Variants in NAALADL2 observed in about 807,000 individuals in gnomAD.
The protein encoded by NAALADL2 is N-acetylated alpha-linked acidic dipeptidase like 2, also known as inactive N-acetylated-alpha-linked acidic dipeptidase-like protein 2.
In NAALADL2, 76 loss-of-function variants were observed where a neutral mutation model predicts 87.2. The observed-to-expected ratio is 0.87, with a 90% CI of 0.72 to 1.05. The LOEUF is 1.05. Among genes scored for constraint, NAALADL2 ranks in the 50% least tolerant of loss-of-function variants. The pLI is 0.00. For missense variants in NAALADL2, 1,089 were observed against 945.8 expected (o/e 1.15, Z -1.99); for synonymous variants, 354 against 331.0 (o/e 1.07, Z -0.75).
chr3:174,725,402 A>G (rs950918812), intron 2 of NAALADL2, among the ~76,000 whole-genome samples: 4 of 152,108 alleles, frequency 2.6e-5, no homozygotes, highest in Non-Finnish European at 5.9e-5. Context: ...TTCATATTTC[A>G]TTGGTATTAT....
intron 1 of NAALADL2, among the ~76,000 whole-genome samples, chr3:175,086,928 A>G (rs1719065724): frequency 6.6e-6 from 1 of 152,176 alleles, no homozygotes; most frequent in African/African-American, 2.4e-5. Context: ...AATTAGTACT[A>G]TCATACATAA....
chr3:175,306,782 G>A (rs150720136), intron 4 of NAALADL2, among the ~76,000 whole-genome samples: 60 of 152,280 alleles, frequency 3.9e-4, no homozygotes, highest in Middle Eastern at 6.9e-3. Flanking sequence ...GGAGGAGGAG[G>A]TTGCAGTGAG....
At chr3:175,525,939 C>A in intron 9 of NAALADL2, among the ~76,000 whole-genome samples, 1 of 152,256 alleles carries the variant, frequency 6.6e-6, no homozygotes, top group Admixed American at 6.5e-5. Context: ...TAAAAGCCAA[C>A]GCTGAGCCAA....
Position 174,563,910 on chromosome 3 carries a change from C to T in NAALADL2, c.-115+13273C>T, listed in dbSNP as rs1713924522. On this transcript the variant is annotated intron_variant, in intron 2 of 3. Transcript: ENST00000434257. ...CTTAAGATTGGCTGCAAGAGAGTTC[C>T]TGCAAAGTACTGCTTTAAACCTTCC... Among the ~76,000 whole-genome samples, 3 of 152,108 alleles carry T rather than the reference C, an allele frequency of 2.0e-5. No individual in the cohort carries two copies. In the South Asian group the frequency reaches 6.2e-4, roughly 31 times the overall value.
intron 5 of NAALADL2, among the ~76,000 whole-genome samples, chr3:175,411,786 C>T (rs1168049911): frequency 6.6e-6 from 1 of 152,006 alleles, no homozygotes; most frequent in Non-Finnish European, 1.5e-5. Flanking sequence ...AAAACAATTA[C>T]GTTGTATCAC....
At chr3:174,556,004 TGTGTGCGC>T (rs147540233) in intron 2 of NAALADL2, among the ~76,000 whole-genome samples, 3,159 of 139,580 alleles carry the variant, frequency 0.023, 97 homozygotes, top group African/African-American at 0.073. Flanking sequence ...TGTGTGTGTG[TGTGTGCGC>T]GCACGTGAGT....
intron 2 of NAALADL2, among the ~76,000 whole-genome samples, chr3:175,125,915 A>G (rs1191635742): frequency 1.3e-5 from 2 of 152,132 alleles, no homozygotes; most frequent in Non-Finnish European, 2.9e-5. Context: ...AGGCATTCCA[A>G]CATTTTAATG....
intron 13 of NAALADL2, among the ~76,000 whole-genome samples, chr3:175,784,129 A>G (rs926944662): frequency 6.7e-6 from 1 of 149,830 alleles, no homozygotes; most frequent in African/African-American, 2.5e-5. Flanking sequence ...GGATTTTTGC[A>G]TCAAGGTTCA....
At position 174,472,032 on chromosome 3, in the gene NAALADL2, C is replaced by T. The variant is rs150379329; in HGVS notation, c.-184+31000C>T. 1.4e-3 allele frequency among the ~76,000 whole-genome samples: 213 copies of T among 152,150 alleles called. 1 individual carries two copies. The highest frequency in any genetic ancestry group is 4.7e-3 in the African/African-American group (197 of 41,526). ...ATTTTCTAGGAAATTACATGACTGT[C>T]TCCATTCTCTATTTTCTATACTCCT... On this transcript the variant is annotated intron_variant, in intron 1 of 3. Transcript: ENST00000434257.
chr3:175,491,196 C>T (rs1469746105), intron 9 of NAALADL2, among the ~76,000 whole-genome samples: 1 of 103,248 alleles, frequency 9.7e-6, no homozygotes, highest in African/African-American at 2.9e-5. Context: ...ATTTTATTGT[C>T]CTATAAATAT....
intron 2 of NAALADL2, among the ~76,000 whole-genome samples, chr3:174,626,257 A>G (rs1376206114): frequency 6.6e-6 from 1 of 152,076 alleles, no homozygotes; most frequent in East Asian, 1.9e-4. Context: ...GTCATAAAAA[A>G]TTCTACCAAT....
intron 5 of NAALADL2, among the ~76,000 whole-genome samples, chr3:175,429,210 C>CGT: frequency 6.8e-6 from 1 of 147,962 alleles, no homozygotes; most frequent in South Asian, 2.1e-4. Context: ...CACACACACA[C>CGT]ATATATATAC....
At chr3:174,851,621 A>T (rs942139303) in intron 3 of NAALADL2, among the ~76,000 whole-genome samples, 1 of 152,066 alleles carries the variant, frequency 6.6e-6, no homozygotes, top group African/African-American at 2.4e-5. Context: ...CAAAGCTGTA[A>T]TAAAAAGCCT....
chr3:174,712,584 C>T (rs900779172), intron 2 of NAALADL2, among the ~76,000 whole-genome samples: 1 of 151,538 alleles, frequency 6.6e-6, no homozygotes, highest in Non-Finnish European at 1.5e-5. Flanking sequence ...GACGGGGTTT[C>T]ACCACTGTAG....
chr3:174,718,190 A>G (rs1731384380), intron 2 of NAALADL2, among the ~76,000 whole-genome samples: 1 of 152,228 alleles, frequency 6.6e-6, no homozygotes, highest in Non-Finnish European at 1.5e-5. Context: ...CCATTGAAAA[A>G]TTCTGCAATG....
At chr3:175,111,900 A>G (rs1310524710) in intron 2 of NAALADL2, among the ~76,000 whole-genome samples, 1 of 151,644 alleles carries the variant, frequency 6.6e-6, no homozygotes, top group Non-Finnish European at 1.5e-5. Context: ...TTGGAAACAG[A>G]CTTGAAACTG....
At chr3:175,750,195 C>T (rs1039234042) in intron 12 of NAALADL2, among the ~76,000 whole-genome samples, 1 of 152,080 alleles carries the variant, frequency 6.6e-6, no homozygotes, top group African/African-American at 2.4e-5. Context: ...TCCAAATCCC[C>T]TCAACCTCTC....
intron 2 of NAALADL2, among the ~76,000 whole-genome samples, chr3:174,610,571 A>G (rs1219784962): frequency 6.6e-6 from 1 of 152,176 alleles, no homozygotes; most frequent in African/African-American, 2.4e-5. Context: ...AAAAATGCTC[A>G]CCATCACTGG....
chr3:175,351,588 C>G (rs561765366), intron 5 of NAALADL2, among the ~76,000 whole-genome samples: 1 of 152,026 alleles, frequency 6.6e-6, no homozygotes, highest in Non-Finnish European at 1.5e-5. Flanking sequence ...GAGGAAGGAA[C>G]GTATAGACAA....
Sources: allele counts gnomAD v4.1 joint callset (sites outside exome capture counted in the v4.1 genomes callset), GRCh38; gene constraint gnomAD v4.1.1; transcripts MANE v1.5; gene names NCBI Gene and HGNC (gene_info 2026-07-23, HGNC 2026-07-21).